FER1L6: variants seen among roughly 807,000 people sequenced by gnomAD.
The protein encoded by FER1L6 is fer-1-like protein 6.
FER1L6 carries 177 observed loss-of-function variants against 219.2 expected under a neutral mutation model. That is an observed-to-expected ratio of 0.81 (90% confidence interval 0.71 to 0.91). FER1L6 has a LOEUF of 0.91. FER1L6 is among the 40% of genes least tolerant of loss of function. FER1L6 has a pLI of 0.00. For synonymous variants in FER1L6, 768 were observed against 824.3 expected, an observed-to-expected ratio of 0.93 and a Z score of 1.17; for missense variants, 2,153 against 2,259.9, an observed-to-expected ratio of 0.95 and a Z score of 0.96.
chr8:124,083,423 A>G (rs950193889), intron 33 of FER1L6, among the ~76,000 whole-genome samples: 4 of 152,092 alleles, frequency 2.6e-5, no homozygotes, highest in African/African-American at 9.7e-5. Context: ...ACAGGGATCT[A>G]CTTTCATTCT....
intron 26 of FER1L6, 132 bp from the exon 27 acceptor site, chr8:124,066,296 C>A: frequency 1.0e-6 from 1 of 970,374 alleles, no homozygotes; most frequent in Non-Finnish European, 1.5e-6. Flanking sequence ...GAGCTGCTAT[C>A]ACAAAACCAG....
intron 20 of FER1L6, among the ~76,000 whole-genome samples, chr8:124,041,854 C>T (rs561877987): frequency 2.0e-4 from 31 of 152,334 alleles, no homozygotes; most frequent in Admixed American, 8.5e-4. Flanking sequence ...TCAAAATCCA[C>T]GCTCTTCCAT....
chr8:123,950,261 T>C (rs1814697739), intron 1 of FER1L6, among the ~76,000 whole-genome samples: 1 of 152,136 alleles, frequency 6.6e-6, no homozygotes, highest in African/African-American at 2.4e-5. Context: ...TGCTTAGCTG[T>C]AGAGGGTGAG....
At chr8:123,935,947 CA>C (rs35857676) in intron 1 of FER1L6, among the ~76,000 whole-genome samples, 35,204 of 143,032 alleles carry the variant, frequency 0.25, 4,722 homozygotes, top group East Asian at 0.43. Flanking sequence ...CTGGCTAATG[CA>C]AAAAAAAAAA....
chr8:124,006,638 G>A (rs1817666492), intron 13 of FER1L6, among the ~76,000 whole-genome samples: 1 of 152,272 alleles, frequency 6.6e-6, no homozygotes, highest in East Asian at 1.9e-4. Flanking sequence ...TTATTTACTA[G>A]GCTGGAGCTC....
chr8:124,114,036 T>A (rs955232686), intron 39 of FER1L6, among the ~76,000 whole-genome samples: 6 of 152,218 alleles, frequency 3.9e-5, no homozygotes, highest in African/African-American at 1.4e-4. Flanking sequence ...TAATAACTAC[T>A]GGCAATCTTA....
intron 1 of FER1L6, among the ~76,000 whole-genome samples, chr8:123,868,811 C>T (rs1178563696): frequency 1.3e-5 from 2 of 152,084 alleles, no homozygotes; most frequent in African/African-American, 2.4e-5. Flanking sequence ...AAATTCTGAC[C>T]TAATGGTTCC....
At chr8:124,012,363 C>T (rs1240144500) in intron 14 of FER1L6, among the ~76,000 whole-genome samples, 1 of 152,214 alleles carries the variant, frequency 6.6e-6, no homozygotes, top group Non-Finnish European at 1.5e-5. Flanking sequence ...TACTTCTCTT[C>T]AGACAGAACA....
intron 37 of FER1L6, among the ~76,000 whole-genome samples, chr8:124,100,675 C>G (rs74916790): frequency 2.0e-5 from 3 of 152,276 alleles, no homozygotes; most frequent in Non-Finnish European, 4.4e-5. Flanking sequence ...CCTGACAGCA[C>G]AGGTCTACAG....
intron 33 of FER1L6, among the ~76,000 whole-genome samples, chr8:124,088,680 G>C (rs936703284): frequency 9.2e-5 from 14 of 151,760 alleles, no homozygotes; most frequent in Admixed American, 2.0e-4. Flanking sequence ...TCTCACTGCT[G>C]ATTATTCAAA....
At chr8:124,063,497 C>T (rs575397195) in intron 25 of FER1L6, among the ~76,000 whole-genome samples, 3 of 152,300 alleles carry the variant, frequency 2.0e-5, no homozygotes, top group East Asian at 1.9e-4. Flanking sequence ...GTTTTCTCCA[C>T]ATAGAGCACC....
intron 40 of FER1L6, 58 bp downstream of exon 40, chr8:124,119,002 C>A: frequency 7.2e-7 from 1 of 1,388,792 alleles, no homozygotes; most frequent in Non-Finnish European, 1.0e-6. Flanking sequence ...GCAGTCCTTG[C>A]TGGTGTCTGA....
chr8:123,871,672 C>A (rs185636378), intron 1 of FER1L6, among the ~76,000 whole-genome samples: 1 of 152,104 alleles, frequency 6.6e-6, no homozygotes, highest in Non-Finnish European at 1.5e-5. Flanking sequence ...TGTATAGATA[C>A]CTCAAGGAGG....
Position 123,980,686 on chromosome 8 carries a change from A to G in FER1L6, c.1285A>G (p.Lys429Glu), listed in dbSNP as rs758857875. The change falls in exon 11 of 41, where the codon AAA (lysine) becomes GAA (glutamate). Residue 429 changes from lysine to glutamate, a missense_variant. By Grantham distance (56) the Lys-to-Glu change is moderately conservative (BLOSUM62 1). Coordinates refer to ENST00000522917, the MANE Select transcript of FER1L6 (RefSeq NM_001039112.2). ...LKELKLPSKD[K>E]DSKSSKGKDK... The stretch of plus-strand genomic sequence containing the variant: ...GGAGCTCAAGTTGCCTTCCAAGGAC[A>G]AAGACTCCAAATCTTCCAAAGGTAA... 5.0e-6 allele frequency: 8 copies of G among 1,614,056 alleles called. No individual in the cohort carries two copies. Among genetic ancestry groups the G allele is most frequent in the African/African-American group, 1.3e-5 (1 of 74,926 alleles).
At chr8:124,032,007 T>C (rs114505797) in intron 18 of FER1L6, among the ~76,000 whole-genome samples, 2,380 of 152,374 alleles carry the variant, frequency 0.016, 64 homozygotes, top group African/African-American at 0.053. Flanking sequence ...ACAGTCTTTG[T>C]GGAACACTTT....
chr8:123,872,119 G>T (rs1816934321), intron 1 of FER1L6, among the ~76,000 whole-genome samples: 1 of 151,982 alleles, frequency 6.6e-6, no homozygotes, highest in Admixed American at 6.6e-5. Flanking sequence ...AGAGAGTGAG[G>T]TGCCACATAC....
intron 1 of FER1L6, among the ~76,000 whole-genome samples, chr8:123,874,051 G>A (rs1816964943): frequency 6.6e-6 from 1 of 152,060 alleles, no homozygotes; most frequent in Non-Finnish European, 1.5e-5. Flanking sequence ...TCCCTTTAGT[G>A]TATTCACCTG....
intron 18 of FER1L6, among the ~76,000 whole-genome samples, chr8:124,029,589 T>C (rs1448663122): frequency 6.6e-6 from 1 of 152,246 alleles, no homozygotes; most frequent in Non-Finnish European, 1.5e-5. Flanking sequence ...TCTATTTATG[T>C]CATTTGCCCT....
intron 15 of FER1L6, among the ~76,000 whole-genome samples, chr8:124,014,839 C>T (rs1434663895): frequency 6.6e-6 from 1 of 152,178 alleles, no homozygotes; most frequent in Non-Finnish European, 1.5e-5. Flanking sequence ...GTTATTATCT[C>T]ACTGTTTCTG....
Sources: gnomAD v4.1 joint callset for allele counts (sites outside exome capture counted in the v4.1 genomes callset) on GRCh38, gnomAD v4.1.1 for gene constraint, MANE v1.5 for transcripts, NCBI Gene and HGNC (gene_info 2026-07-23, HGNC 2026-07-21) for gene names.